Variants in ZNF709 observed in about 807,000 individuals in gnomAD.
ZNF709 encodes zinc finger protein 709.
In ZNF709, 15 loss-of-function variants were observed where a neutral mutation model predicts 10.6. That is an observed-to-expected ratio of 1.41 (90% CI 0.95 to 2.18). ZNF709 has a LOEUF of 2.18. Among genes scored for constraint, ZNF709 ranks in the 30% most tolerant of loss-of-function variants. The pLI, the probability that ZNF709 is intolerant of heterozygous loss-of-function variation, is 0.00. For synonymous variants in ZNF709, 194 were observed against 238.8 expected, an observed-to-expected ratio of 0.81 and a Z score of 1.73; for missense variants, 589 against 774.0, an observed-to-expected ratio of 0.76 and a Z score of 2.84.
At chr19:12,482,201 CCTCT>C (rs934984579) in intron 1 of ZNF709, among the ~76,000 whole-genome samples, 3 of 149,250 alleles carry the variant, frequency 2.0e-5, no homozygotes, top group Non-Finnish European at 3.0e-5. Context: ...TCTCCCTCTC[CCTCT>C]CTCTCTCCCT....
In ZNF709 at chr19:12,484,778, C is replaced by A. The variant is rs1298632287; in HGVS notation, c.-121G>T. 2 of 1,339,160 alleles carry A rather than the reference C, an allele frequency of 1.5e-6. No homozygotes were observed. The highest frequency in any genetic ancestry group is 2.0e-5 in the Admixed American group (1 of 49,048). 83.0% of individuals were successfully genotyped at this position (1,339,160 alleles called of 1,614,324 possible). A position where few individuals can be genotyped will look rare whatever the true frequency, so the allele number is the denominator to read the frequency against. ...CTTCTGGGGTGAGGAGACCCCAGAG[C>A]GGAGCGCAGCGGCTGGTAGCCACGC... On this transcript the variant is annotated 5_prime_UTR_variant, in exon 1 of 4. Coordinates refer to ENST00000397732, the MANE Select transcript of ZNF709 (RefSeq NM_152601.4).
At chr19:12,479,966 C>CG in intron 1 of ZNF709, among the ~76,000 whole-genome samples, 1 of 151,960 alleles carries the variant, frequency 6.6e-6, no homozygotes, top group South Asian at 2.1e-4. Context: ...AGTTCAAGAC[C>CG]AATCTGGTCA....
At chr19:12,468,455 CG>C (rs1789333647) in intron 1 of ZNF709, among the ~76,000 whole-genome samples, 1 of 151,762 alleles carries the variant, frequency 6.6e-6, no homozygotes, top group Non-Finnish European at 1.5e-5. Context: ...GGATTAAGGG[CG>C]GTGCAAGATG....
At chr19:12,472,144 C>T (rs967444089) in intron 1 of ZNF709, among the ~76,000 whole-genome samples, 2 of 151,918 alleles carry the variant, frequency 1.3e-5, no homozygotes, top group Non-Finnish European at 2.9e-5. Context: ...AGCTATCACA[C>T]CAGCCTGGGT....
At chr19:12,482,246 C>G (rs1006811930) in intron 1 of ZNF709, among the ~76,000 whole-genome samples, 5 of 151,928 alleles carry the variant, frequency 3.3e-5, no homozygotes, top group Non-Finnish European at 1.5e-5. Flanking sequence ...GACTAGCAGA[C>G]TGCTTCTCCA....
In ZNF709 at chr19:12,466,794, C is replaced by T; in HGVS notation, c.60G>A (p.Leu20=). The change falls in exon 2 of 4, where the codon TTG becomes TTA. Residue 20 remains leucine (L), a synonymous_variant. Transcript: ENST00000397732. ...AVNFTQEEWA[L]LGPSQKKLYR... ...AGAGTTTCTTCTGAGAGGGACCCAG[C>T]AAAGCCCACTCCTCCTGGGTGAAGT... 6.2e-7 allele frequency: 1 copy of T among 1,614,008 alleles called. No homozygotes were observed. Among genetic ancestry groups the T allele is most frequent in the Non-Finnish European group, 8.5e-7 (1 of 1,179,958 alleles).
intron 1 of ZNF709, among the ~76,000 whole-genome samples, chr19:12,470,771 C>T (rs1281211733): frequency 1.3e-5 from 2 of 151,890 alleles, no homozygotes; most frequent in African/African-American, 4.8e-5. Flanking sequence ...ACTGAAGATA[C>T]AAAAAATTAG....
At chr19:12,471,715 A>G (rs1043208474) in intron 1 of ZNF709, among the ~76,000 whole-genome samples, 18 of 152,240 alleles carry the variant, frequency 1.2e-4, no homozygotes, top group African/African-American at 4.3e-4. Context: ...AGAGATCACT[A>G]ACACTTCAAT....
rs1568245519 is a variant in ZNF709, at chr19:12,465,241, T to C, written c.681A>G (p.Lys227=). The change falls in exon 4 of 4, where the codon AAA becomes AAG. Residue 227 remains lysine, a synonymous_variant. Coordinates refer to ENST00000397732, the MANE Select transcript of ZNF709 (RefSeq NM_152601.4). ...MHTGEKPYKC[K]ECGKTFSHPS... is the part of the protein sequence containing the mutation. ...GATGACTGAACGTTTTCCCGCATTC[T>C]TTACATTTATAGGGTTTCTCCCCTG... 1 of 1,612,908 alleles carries C rather than the reference T, an allele frequency of 6.2e-7. No individual in the cohort carries two copies. Among genetic ancestry groups the C allele is most frequent in the Non-Finnish European group, 8.5e-7 (1 of 1,179,094 alleles).
At chr19:12,470,150 G>T (rs1480719691) in intron 1 of ZNF709, among the ~76,000 whole-genome samples, 1 of 152,084 alleles carries the variant, frequency 6.6e-6, no homozygotes, top group African/African-American at 2.4e-5. Context: ...TGAGGTACGT[G>T]GTGGCATGAG....
At chr19:12,477,069 G>T (rs1471502940) in intron 1 of ZNF709, among the ~76,000 whole-genome samples, 1 of 152,190 alleles carries the variant, frequency 6.6e-6, no homozygotes. Context: ...GGTGAAATCT[G>T]TGAGATCAGC....
chr19:12,471,022 A>T (rs1399978800), intron 1 of ZNF709, among the ~76,000 whole-genome samples: 1 of 151,858 alleles, frequency 6.6e-6, no homozygotes, highest in East Asian at 1.9e-4. Context: ...TAGAGTCTGG[A>T]CTTTTTCACA....
rs760353241 is a variant in ZNF709, at chr19:12,465,366, G to GT, written c.555dup (p.His186ThrfsTer2). 2 of 1,613,494 alleles carry GT rather than the reference G, an allele frequency of 1.2e-6. No homozygotes were observed. Among genetic ancestry groups the GT allele is most frequent in the Non-Finnish European group, 1.7e-6 (2 of 1,179,842 alleles). On this transcript the variant is annotated frameshift_variant, in exon 4 of 4. Coordinates refer to ENST00000397732, the MANE Select transcript of ZNF709 (RefSeq NM_152601.4). LOFTEE classifies it low-confidence loss of function (END_TRUNC). ...TTCTCTCCAGTATGAGTTCTTTCAT[G>GT]TATTTGAAAGGAACTGGGCCAACTG...
intron 3 of ZNF709, among the ~76,000 whole-genome samples, chr19:12,466,192 T>C (rs1367386452): frequency 6.6e-6 from 1 of 152,142 alleles, no homozygotes; most frequent in Non-Finnish European, 1.5e-5. Context: ...CTGCCCACCT[T>C]GGCCTCCCAA....
chr19:12,484,362 C>T (rs1199696740), intron 1 of ZNF709, among the ~76,000 whole-genome samples: 2 of 152,194 alleles, frequency 1.3e-5, no homozygotes, highest in African/African-American at 4.8e-5. Context: ...CTCCCGTGCC[C>T]CAGCACAATC....
At chr19:12,466,371 G>A (rs1970570622) in intron 3 of ZNF709, 91 bp downstream of exon 3, 1 of 1,263,306 alleles carries the variant, frequency 7.9e-7, no homozygotes, top group Admixed American at 2.2e-5. Flanking sequence ...ATGAAATGGG[G>A]CTTATTTGTT....
Position 12,484,779 on chromosome 19 carries a change from G to A in ZNF709, c.-122C>T, listed in dbSNP as rs531072788. On this transcript the variant is annotated 5_prime_UTR_variant, in exon 1 of 4. Transcript: ENST00000397732. ...TTCTGGGGTGAGGAGACCCCAGAGC[G>A]GAGCGCAGCGGCTGGTAGCCACGCC... is the stretch of plus-strand genomic sequence containing the variant. 15 of 1,350,222 alleles carry A rather than the reference G, an allele frequency of 1.1e-5. No homozygotes were observed. Among genetic ancestry groups the A allele is most frequent in the Admixed American group, 2.0e-5 (1 of 48,808 alleles). 83.6% of individuals were successfully genotyped at this position (1,350,222 alleles called of 1,614,324 possible).
At chr19:12,466,311 C>T (rs1970570196) in intron 3 of ZNF709, 151 bp downstream of exon 3, 3 of 659,282 alleles carry the variant, frequency 4.6e-6, no homozygotes, top group Non-Finnish European at 7.6e-6. Flanking sequence ...AACATCTGTA[C>T]CATTTTTAAG....
At chr19:12,479,105 C>G (rs184827934) in intron 1 of ZNF709, among the ~76,000 whole-genome samples, 29 of 152,216 alleles carry the variant, frequency 1.9e-4, no homozygotes, top group African/African-American at 6.0e-4. Context: ...GAGTTCAAGA[C>G]TAGCCTGAGC....
Sources: gnomAD v4.1 joint callset for allele counts (sites outside exome capture counted in the v4.1 genomes callset) on GRCh38, gnomAD v4.1.1 for gene constraint, MANE v1.5 for transcripts, NCBI Gene and HGNC (gene_info 2026-07-23, HGNC 2026-07-21) for gene names.